Variants in ZNF423 observed in about 807,000 individuals in gnomAD.
ZNF423 encodes zinc finger protein 423.
In ZNF423, 12 loss-of-function variants were observed where a neutral mutation model predicts 95.8. The observed-to-expected ratio is 0.13, with a 90% CI of 0.08 to 0.20. ZNF423 has a LOEUF of 0.20. ZNF423 is among the 10% of genes least tolerant of loss of function. The pLI is 1.00. For synonymous variants in ZNF423, 749 were observed against 711.9 expected, an observed-to-expected ratio of 1.05 and a Z score of -0.83; for missense variants, 1,316 against 1,737.1, an observed-to-expected ratio of 0.76 and a Z score of 4.31.
chr16:49,790,440 G>C (rs1232356493), intron 1 of ZNF423, among the ~76,000 whole-genome samples: 1 of 152,224 alleles, frequency 6.6e-6, no homozygotes, highest in Non-Finnish European at 1.5e-5. Context: ...ACTCTCAGAG[G>C]GGTGTCTGAG....
At chr16:49,593,159 C>T (rs867709360) in intron 5 of ZNF423, among the ~76,000 whole-genome samples, 1 of 152,210 alleles carries the variant, frequency 6.6e-6, no homozygotes, top group Admixed American at 6.5e-5. Flanking sequence ...AGAGCCAAAC[C>T]TCTGGGCTCT....
intron 5 of ZNF423, among the ~76,000 whole-genome samples, chr16:49,611,498 A>C (rs1392235386): frequency 1.3e-5 from 2 of 152,064 alleles, no homozygotes; most frequent in African/African-American, 4.8e-5. Context: ...ACAGCTAAGT[A>C]AAGGCTAAGA....
At chr16:49,609,127 G>A (rs374047729) in intron 5 of ZNF423, among the ~76,000 whole-genome samples, 196 of 152,210 alleles carry the variant, frequency 1.3e-3, no homozygotes, top group African/African-American at 4.5e-3. Flanking sequence ...TTCCTACCAC[G>A]ACTGCTCAGA....
At chr16:49,849,153 T>C (rs2035275751) in intron 1 of ZNF423, among the ~76,000 whole-genome samples, 1 of 152,172 alleles carries the variant, frequency 6.6e-6, no homozygotes, top group African/African-American at 2.4e-5. Flanking sequence ...TAGGATCGCC[T>C]TATGATTGGA....
intron 7 of ZNF423, among the ~76,000 whole-genome samples, chr16:49,520,965 C>T (rs1314039336): frequency 2.6e-5 from 4 of 152,192 alleles, no homozygotes; most frequent in Admixed American, 6.5e-5. Context: ...TGTAATTTAG[C>T]GGTTTCTCAG....
At chr16:49,679,085 G>C (rs1472677214) in intron 3 of ZNF423, among the ~76,000 whole-genome samples, 1 of 152,200 alleles carries the variant, frequency 6.6e-6, no homozygotes, top group Non-Finnish European at 1.5e-5. Context: ...TCGGACTACA[G>C]GTGTGTGCCA....
chr16:49,675,441 A>G (rs2031002138), intron 3 of ZNF423, among the ~76,000 whole-genome samples: 1 of 152,104 alleles, frequency 6.6e-6, no homozygotes, highest in Non-Finnish European at 1.5e-5. Flanking sequence ...TGCTGGGGTG[A>G]TAACCAGCAC....
At chr16:49,574,187 C>G (rs1265003209) in intron 5 of ZNF423, among the ~76,000 whole-genome samples, 1 of 152,102 alleles carries the variant, frequency 6.6e-6, no homozygotes, top group African/African-American at 2.4e-5. Context: ...AGTTCAAGAC[C>G]AGCCTGGGCC....
chr16:49,667,596 C>T (rs1022410053), intron 3 of ZNF423, among the ~76,000 whole-genome samples: 15 of 152,300 alleles, frequency 9.8e-5, no homozygotes, highest in Non-Finnish European at 1.5e-4. Flanking sequence ...AAAAGGAAAC[C>T]GAGGGCTGGG....
intron 3 of ZNF423, among the ~76,000 whole-genome samples, chr16:49,702,244 G>C (rs978543174): frequency 6.6e-6 from 1 of 152,174 alleles, no homozygotes; most frequent in Non-Finnish European, 1.5e-5. Context: ...CTTTGGAGAC[G>C]CTCACACTGC....
intron 7 of ZNF423, among the ~76,000 whole-genome samples, chr16:49,515,715 C>T (rs1209407047): frequency 1.3e-5 from 2 of 152,234 alleles, no homozygotes; most frequent in African/African-American, 2.4e-5. Flanking sequence ...CTAACTCCAG[C>T]CCTGTATGGC....
intron 5 of ZNF423, among the ~76,000 whole-genome samples, chr16:49,544,844 T>C (rs1969384863): frequency 6.6e-6 from 1 of 152,254 alleles, no homozygotes; most frequent in Non-Finnish European, 1.5e-5. Context: ...CCTTCTTCTA[T>C]TCTGCAGAAA....
chr16:49,749,450 G>A (rs998712973), intron 2 of ZNF423, among the ~76,000 whole-genome samples: 2 of 152,190 alleles, frequency 1.3e-5, no homozygotes, highest in Non-Finnish European at 2.9e-5. Context: ...AGATAACTGC[G>A]ACTGATGTCA....
chr16:49,724,750 A>G (rs1446417640), intron 3 of ZNF423, among the ~76,000 whole-genome samples: 1 of 152,192 alleles, frequency 6.6e-6, no homozygotes, highest in East Asian at 1.9e-4. Context: ...GGCTTGTTGC[A>G]CAGCAGCATT....
intron 2 of ZNF423, among the ~76,000 whole-genome samples, chr16:49,742,775 G>A (rs1355522345): frequency 5.9e-5 from 9 of 152,220 alleles, no homozygotes; most frequent in South Asian, 4.2e-4. Context: ...ATGCTGGGGC[G>A]CAAATCACCC....
At chr16:49,605,736 G>C (rs577038243) in intron 5 of ZNF423, among the ~76,000 whole-genome samples, 2 of 152,342 alleles carry the variant, frequency 1.3e-5, no homozygotes, top group East Asian at 1.9e-4. Context: ...TTGCCACTCT[G>C]AAGAGTGGAG....
rs749841254 is a variant in ZNF423 at position 49,637,901 on chromosome 16, C to T, written c.1275G>A (p.Arg425=). The change falls in exon 4 of 8, where the codon CGG becomes CGA. Residue 425 remains arginine, a synonymous_variant. Transcript: ENST00000563137. The surrounding 1 kb of genome is among the most constrained non-coding windows in gnomAD (Gnocchi z 5.6). ...VVYSCPYCSK[R]DFNSLAVLEI... ...CCAGCACGGCCAGGCTGTTAAAGTC[C>T]CGCTTGGAACAATAGGGGCAGCTAT... is the stretch of plus-strand genomic sequence containing the variant. The T allele has an allele frequency of 1.4e-5, 23 of 1,614,010 alleles. No individual in the cohort carries two copies. In the African/African-American group the frequency reaches 3.1e-4, roughly 22 times the overall value.
At chr16:49,640,916 A>G (rs1173206922) in intron 3 of ZNF423, 1 of 152,314 alleles carries the variant, frequency 6.6e-6, no homozygotes. Context: ...CCTGCCTGCC[A>G]ATTCCCAGCT....
chr16:49,839,714 C>T (rs974227451), intron 1 of ZNF423, among the ~76,000 whole-genome samples: 1 of 152,200 alleles, frequency 6.6e-6, no homozygotes, highest in Admixed American at 6.5e-5. Context: ...AGCCTGCTGG[C>T]TGAAGCTGCA....
Sources: gnomAD v4.1 joint callset for allele counts (sites outside exome capture counted in the v4.1 genomes callset) on GRCh38, gnomAD v4.1.1 for gene constraint, Gnocchi (gnomAD v3.1) non-coding constraint, MANE v1.5 for transcripts, NCBI Gene and HGNC (gene_info 2026-07-23, HGNC 2026-07-21) for gene names.